The following PAPPA variants were observed in gnomAD, a reference collection of about 807,000 sequenced individuals.
PAPPA encodes the protein pappalysin-1.
In PAPPA, 60 loss-of-function variants were observed where a neutral mutation model predicts 164.0. The observed-to-expected ratio is 0.37, with a 90% CI of 0.30 to 0.45. The LOEUF (loss-of-function observed/expected upper bound fraction) is 0.45, where lower values mean the gene tolerates loss of function less well. Among genes scored for constraint, PAPPA ranks in the 20% least tolerant of loss-of-function variants. The pLI is 1.00. For missense variants in PAPPA, 1,782 were observed against 2,087.3 expected, an observed-to-expected ratio of 0.85 and a Z score of 2.85; for synonymous variants, 875 against 814.1, an observed-to-expected ratio of 1.07 and a Z score of -1.27.
Position 116,187,774 on chromosome 9 carries a change from A to C in PAPPA, c.1036A>C (p.Ser346Arg), listed in dbSNP as rs180920625. Residue 346 changes from serine to arginine, a missense_variant, in exon 2 of 22, where the codon AGT becomes CGT. By Grantham distance (110) the Ser-to-Arg change is moderately radical. This residue lies in a region of PAPPA where 1,324 missense variants were observed against 1,656.9 expected (regional missense o/e 0.80). Coordinates refer to ENST00000328252, the MANE Select transcript of PAPPA (RefSeq NM_002581.5). This position sits in a 1 kb window ranked among gnomAD's most constrained non-coding sequence, Gnocchi z 4.2. ...EVIASYNQLSSFRQPKVVRYR... is the reference protein window; with the variant it reads ...EVIASYNQLSRFRQPKVVRYR... ...CATTGCCAGCTACAATCAGCTCTCA[A>C]GTTTCCGCCAGCCCAAGGTGGTGCG... 5.6e-6 allele frequency: 9 copies of C among 1,614,250 alleles called. 1 individual carries two copies. Among genetic ancestry groups the C allele is most frequent in the Middle Eastern group, 3.3e-4 (2 of 6,062 alleles).
chr9:116,310,329 G>A (rs1845700883), intron 10 of PAPPA, among the ~76,000 whole-genome samples: 1 of 152,186 alleles, frequency 6.6e-6, no homozygotes, highest in South Asian at 2.1e-4. Flanking sequence ...ACAATTCCAA[G>A]CAGTTTTCCC....
intron 10 of PAPPA, among the ~76,000 whole-genome samples, chr9:116,309,857 C>T (rs537023641): frequency 6.6e-5 from 10 of 152,186 alleles, no homozygotes; most frequent in Admixed American, 5.9e-4. Flanking sequence ...GAAAGAAGAA[C>T]ATTGACAAGT....
chr9:116,173,044 G>A (rs555796281), intron 1 of PAPPA, among the ~76,000 whole-genome samples: 152 of 152,276 alleles, frequency 1.0e-3, no homozygotes, highest in African/African-American at 3.6e-3. Flanking sequence ...TCCTTCAGTT[G>A]AATAGATGGG....
At chr9:116,180,337 G>T (rs1263003021) in intron 1 of PAPPA, among the ~76,000 whole-genome samples, 3 of 152,002 alleles carry the variant, frequency 2.0e-5, no homozygotes, top group Admixed American at 2.0e-4. Context: ...GGGGAGCTTT[G>T]GCTCTGGAGT....
Position 116,154,372 on chromosome 9 carries a change from G to T in PAPPA, c.200G>T (p.Gly67Val). The T allele has an allele frequency of 9.9e-7, 1 of 1,005,972 alleles. No individual in the cohort carries two copies. The highest frequency in any genetic ancestry group is 1.2e-6 in the Non-Finnish European group (1 of 803,482). The allele number at this position is 1,005,972 out of a possible 1,614,324, so 62.3% of individuals were successfully genotyped here. Reference sequence around the variant, plus strand: ...CCGCCGCCGCCGCCGCCGCCGGGCGGTGCCTGGGAAGCCGTGCGCGTCCCC... The same window carrying T: ...CCGCCGCCGCCGCCGCCGCCGGGCGTTGCCTGGGAAGCCGTGCGCGTCCCC... ...ASPPPPPPPG[G>V]AWEAVRVPRR... Residue 67 changes from glycine (G) to valine (V), a missense_variant, in exon 1 of 22, where the codon GGT becomes GTT. Gly to Val is a moderately radical substitution (Grantham distance 109). This residue lies in a region of PAPPA where 458 missense variants were observed against 430.3 expected (regional missense o/e 1.06). Transcript: ENST00000328252. The surrounding 1 kb of genome is among the most constrained non-coding windows in gnomAD (Gnocchi z 5.2).
rs2565 is a variant in PAPPA, at chr9:116,398,147, C to A, written c.*1531C>A. The A allele has an allele frequency of 0.33, 50,562 of 153,006 alleles. 8,832 individuals are homozygous for A. Among genetic ancestry groups the A allele is most frequent in the Non-Finnish European group, 0.38 (26,461 of 68,792 alleles). 9.5% of individuals were successfully genotyped at this position (153,006 alleles called of 1,614,324 possible). ...AAAATTAGTCAACTGCACGTGGAAG[C>A]CCCCACCACTTTGGGGATCTCTTTA... On this transcript the variant is annotated 3_prime_UTR_variant, in exon 22 of 22. Coordinates refer to ENST00000328252, the MANE Select transcript of PAPPA (RefSeq NM_002581.5).
chr9:116,219,928 T>C lies in PAPPA; in HGVS notation c.1919-9T>C. ...CTTGGTGCTTATCTCTCCCTCTGCC[T>C]GCTTGCAGATGACGACTGTACGGAC... is the stretch of plus-strand genomic sequence containing the variant. On this transcript the variant is annotated splice_polypyrimidine_tract_variant and intron_variant, in intron 4 of 21. Coordinates refer to ENST00000328252, the MANE Select transcript of PAPPA (RefSeq NM_002581.5). 1 of 1,600,734 alleles carries C rather than the reference T, an allele frequency of 6.2e-7. No individual in the cohort carries two copies. The highest frequency in any genetic ancestry group is 8.5e-7 in the Non-Finnish European group (1 of 1,170,644).
chr9:116,256,491 A>C (rs958498928), intron 7 of PAPPA, among the ~76,000 whole-genome samples: 1 of 151,972 alleles, frequency 6.6e-6, no homozygotes, highest in Non-Finnish European at 1.5e-5. Flanking sequence ...AGTCAGATTT[A>C]ACTCAAGAGT....
Position 116,401,639 on chromosome 9 carries a change from C to T in PAPPA, c.*5023C>T, listed in dbSNP as rs1017781928. On this transcript the variant is annotated 3_prime_UTR_variant, in exon 22 of 22. Transcript: ENST00000328252. ...TATTTACAAAATAAAACTGTGATCT[C>T]GTCTAGAGAAAATGTATTCATATTA... 2.6e-5 allele frequency: 4 copies of T among 151,226 alleles called. No individual in the cohort carries two copies. The highest frequency in any genetic ancestry group is 6.6e-5 in the Admixed American group (1 of 15,124). The allele number at this position is 151,226 out of a possible 1,614,324, so 9.4% of individuals were successfully genotyped here. A position where few individuals can be genotyped will look rare whatever the true frequency, so the allele number is the denominator to read the frequency against.
At position 116,396,591 on chromosome 9, in the gene PAPPA, AC is replaced by A. The variant is rs1415358392; in HGVS notation, c.4861del (p.Leu1621SerfsTer28). ...CAGGCCCAAGAACACAGCCGGAAAG[AC>A]CTCCGGGGATACAGCCATGGCTAAG... is the stretch of plus-strand genomic sequence containing the variant. ...DPQAQEHSRKDLRGYSHG is the reference protein window; with the variant it reads ...DPQAQEHSRKXLRGYSHG On this transcript the variant is annotated frameshift_variant, in exon 22 of 22. Coordinates refer to ENST00000328252, the MANE Select transcript of PAPPA (RefSeq NM_002581.5). LOFTEE classifies it high-confidence loss of function. 5.1e-6 allele frequency: 4 copies of A among 780,774 alleles called. No homozygotes were observed. The Admixed American group carries it at 6.8e-5, about 13-fold the overall frequency. 48.4% of individuals were successfully genotyped at this position (780,774 alleles called of 1,614,324 possible).
Position 116,398,640 on chromosome 9 carries a change from G to C in PAPPA, c.*2024G>C. Reference sequence around the variant, plus strand: ...ACATATCAAGGTGCTTTTGGCACAGGTGCCCACAAATACGGATGCAGTGCT... The same window carrying C: ...ACATATCAAGGTGCTTTTGGCACAGCTGCCCACAAATACGGATGCAGTGCT... On this transcript the variant is annotated 3_prime_UTR_variant, in exon 22 of 22. Transcript: ENST00000328252. 1.3e-6 allele frequency: 1 copy of C among 762,710 alleles called. No individual in the cohort carries two copies. Among genetic ancestry groups the C allele is most frequent in the South Asian group, 1.4e-5 (1 of 70,632 alleles). 47.2% of individuals were successfully genotyped at this position (762,710 alleles called of 1,614,324 possible). A position where few individuals can be genotyped will look rare whatever the true frequency, so the allele number is the denominator to read the frequency against.
intron 1 of PAPPA, among the ~76,000 whole-genome samples, chr9:116,170,652 TCCTTCCATCCAC>T (rs1843766112): frequency 6.8e-6 from 1 of 145,996 alleles, no homozygotes; most frequent in Non-Finnish European, 1.5e-5. Context: ...CTTCCTTCTT[TCCTTCCATCCAC>T]CCTTCCATCA....
intron 7 of PAPPA, among the ~76,000 whole-genome samples, chr9:116,243,307 C>T (rs1844757839): frequency 6.6e-6 from 1 of 152,184 alleles, no homozygotes; most frequent in African/African-American, 2.4e-5. Context: ...ACTGTGTTAA[C>T]CATCTTCACA....
intron 10 of PAPPA, among the ~76,000 whole-genome samples, chr9:116,319,634 T>A (rs922591547): frequency 6.6e-6 from 1 of 152,208 alleles, no homozygotes; most frequent in African/African-American, 2.4e-5. Flanking sequence ...GTTATTGTCA[T>A]CATTCTCATT....
intron 6 of PAPPA, among the ~76,000 whole-genome samples, chr9:116,230,143 A>T (rs1297431160): frequency 6.6e-6 from 1 of 152,260 alleles, no homozygotes; most frequent in Admixed American, 6.5e-5. Flanking sequence ...TTTTCCTCCT[A>T]TGTAAATTTA....
At chr9:116,197,598 C>T (rs1443965844) in intron 2 of PAPPA, among the ~76,000 whole-genome samples, 1 of 152,160 alleles carries the variant, frequency 6.6e-6, no homozygotes, top group Admixed American at 6.5e-5. Flanking sequence ...TAATGTCATG[C>T]TTTCTAGCAT....
chr9:116,155,955 C>T (rs1843596419), intron 1 of PAPPA, among the ~76,000 whole-genome samples: 1 of 151,546 alleles, frequency 6.6e-6, no homozygotes, highest in Admixed American at 6.6e-5. Context: ...TCACTTTTAA[C>T]TCGCAAGCCC....
At chr9:116,324,214 A>C (rs1406390306) in intron 10 of PAPPA, among the ~76,000 whole-genome samples, 1 of 152,156 alleles carries the variant, frequency 6.6e-6, no homozygotes, top group Non-Finnish European at 1.5e-5. Context: ...TGTGGGCTAA[A>C]CTTGTGCCTG....
At chr9:116,283,108 T>C (rs1030189214) in intron 9 of PAPPA, among the ~76,000 whole-genome samples, 1 of 152,162 alleles carries the variant, frequency 6.6e-6, no homozygotes, top group Non-Finnish European at 1.5e-5. Context: ...GCAGCAGCCA[T>C]GGTGGTCCTG....
Sources: gnomAD v4.1 joint callset for allele counts (sites outside exome capture counted in the v4.1 genomes callset) on GRCh38, gnomAD v4.1.1 for gene constraint, gnomAD v4.1.1 regional missense constraint, Gnocchi (gnomAD v3.1) non-coding constraint, MANE v1.5 for transcripts, NCBI Gene and HGNC (gene_info 2026-07-23, HGNC 2026-07-21) for gene names.